CATSPERT: variants seen among roughly 807,000 people sequenced by gnomAD.
CATSPERT encodes the protein catsper channel auxiliary subunit tau.
chr2:201,548,664 A>G, the CATSPERT span, among the ~76,000 whole-genome samples: 20 of 152,296 alleles, frequency 1.3e-4, no homozygotes, highest in Non-Finnish European at 7.4e-5. Flanking sequence ...AATGGAAGAC[A>G]GGGAATGTTT....
At chr2:201,547,620 G>A in the CATSPERT span, 1 of 1,412,200 alleles carries the variant, frequency 7.1e-7, no homozygotes, top group South Asian at 1.3e-5. Flanking sequence ...CCTAAAGAAA[G>A]AAATAAGTTA....
chr2:201,502,619 TA>T, the CATSPERT span, among the ~76,000 whole-genome samples: 1 of 147,816 alleles, frequency 6.8e-6, no homozygotes, highest in African/African-American at 2.5e-5. Context: ...CCTCTGTAAA[TA>T]TTTCTTATTT....
the CATSPERT span, among the ~76,000 whole-genome samples, chr2:201,568,111 A>C: frequency 6.6e-6 from 1 of 152,072 alleles, no homozygotes; most frequent in Non-Finnish European, 1.5e-5. Flanking sequence ...CCCATCCTTC[A>C]CTGTATACAG....
At chr2:201,605,350 C>A in the CATSPERT span, among the ~76,000 whole-genome samples, 1 of 151,992 alleles carries the variant, frequency 6.6e-6, no homozygotes, top group Non-Finnish European at 1.5e-5. Context: ...AAGAGAAGGA[C>A]CAGAAGTAGC....
At chr2:201,598,917 T>G in the CATSPERT span, among the ~76,000 whole-genome samples, 1 of 152,140 alleles carries the variant, frequency 6.6e-6, no homozygotes, top group Admixed American at 6.5e-5. Flanking sequence ...CACATTTCCC[T>G]TGCCCTAAAT....
chr2:201,562,206 G>A, the CATSPERT span, among the ~76,000 whole-genome samples: 4 of 30,976 alleles, frequency 1.3e-4, no homozygotes, highest in Non-Finnish European at 2.7e-4. Context: ...TTTTTTTTTT[G>A]AGATGGAGTC....
chr2:201,566,889 C>T, the CATSPERT span, among the ~76,000 whole-genome samples: 16 of 152,022 alleles, frequency 1.1e-4, no homozygotes, highest in Non-Finnish European at 2.2e-4. Flanking sequence ...ATGTATATTA[C>T]CTCATTCACT....
the CATSPERT span, chr2:201,491,276 T>TGGG: frequency 6.5e-7 from 1 of 1,537,926 alleles, no homozygotes; most frequent in African/African-American, 1.4e-5. Context: ...ACTATCTTGT[T>TGGG]AAATGACTTT....
chr2:201,528,785 T>C, the CATSPERT span, among the ~76,000 whole-genome samples: 1 of 152,056 alleles, frequency 6.6e-6, no homozygotes, highest in African/African-American at 2.4e-5. Flanking sequence ...AGGGTGAGTA[T>C]CGAAAAACTA....
chr2:201,536,450 G>T, the CATSPERT span: 4 of 1,191,118 alleles, frequency 3.4e-6, no homozygotes, highest in Non-Finnish European at 4.5e-6. Context: ...ATTATTATTT[G>T]TAAATTTTAA....
At chr2:201,618,919 G>A in the CATSPERT span, 2 of 1,613,766 alleles carry the variant, frequency 1.2e-6, no homozygotes, top group Non-Finnish European at 1.7e-6. Flanking sequence ...CCGGTGCCCG[G>A]TGCCCTCCTG....
the CATSPERT span, among the ~76,000 whole-genome samples, chr2:201,591,994 T>C: frequency 6.6e-6 from 1 of 152,162 alleles, no homozygotes; most frequent in Non-Finnish European, 1.5e-5. Context: ...TCCTGACTAA[T>C]TGCCCTGGCC....
the CATSPERT span, chr2:201,582,035 C>T: frequency 3.3e-5 from 51 of 1,563,880 alleles, no homozygotes; most frequent in Non-Finnish European, 4.0e-5. Flanking sequence ...TAAATCACAA[C>T]AAACTGGACA....
the CATSPERT span, among the ~76,000 whole-genome samples, chr2:201,585,141 C>G: frequency 6.6e-6 from 1 of 151,706 alleles, no homozygotes; most frequent in African/African-American, 2.4e-5. Context: ...GAACAGAAAA[C>G]CAAACACCGC....
the CATSPERT span, chr2:201,572,101 C>G: frequency 2.1e-4 from 214 of 1,003,720 alleles, 2 homozygotes; most frequent in Non-Finnish European, 1.1e-5. Context: ...CATATTGATA[C>G]CATAATGCTA....
the CATSPERT span, among the ~76,000 whole-genome samples, chr2:201,562,967 TC>T: frequency 6.7e-6 from 1 of 150,080 alleles, no homozygotes; most frequent in Non-Finnish European, 1.5e-5. Flanking sequence ...TCCCCACCTT[TC>T]CCCCCTTTCT....
chr2:201,598,859 G>T, the CATSPERT span, among the ~76,000 whole-genome samples: 1 of 152,086 alleles, frequency 6.6e-6, no homozygotes, highest in Non-Finnish European at 1.5e-5. Context: ...GGGCTTACAG[G>T]CATGAGCTAC....
chr2:201,530,988 T>G, the CATSPERT span, among the ~76,000 whole-genome samples: 2 of 88,424 alleles, frequency 2.3e-5, no homozygotes, highest in Non-Finnish European at 4.8e-5. Context: ...TGAGATGGAG[T>G]CTCACTCTGT....
At chr2:201,493,560 G>A in the CATSPERT span, 13 of 1,536,768 alleles carry the variant, frequency 8.5e-6, no homozygotes, top group African/African-American at 1.4e-5. Flanking sequence ...GTATTATCTG[G>A]CTTGTAGCAG....
Sources: allele counts gnomAD v4.1 joint callset (sites outside exome capture counted in the v4.1 genomes callset), GRCh38; gene constraint gnomAD v4.1.1; transcripts MANE v1.5; gene names NCBI Gene and HGNC (gene_info 2026-07-23, HGNC 2026-07-21).